Variants in PPM1L observed in about 807,000 individuals in gnomAD.
PPM1L encodes the protein protein phosphatase 1L.
Under a neutral mutation model 31.4 loss-of-function variants are expected in PPM1L, and 13 were observed. That is an observed-to-expected ratio of 0.41 (90% CI 0.27 to 0.66). The LOEUF (loss-of-function observed/expected upper bound fraction) is 0.66, where lower values mean the gene tolerates loss of function less well. Ranked by LOEUF, PPM1L falls within the 30% of genes least tolerant of loss-of-function variation. The pLI is 0.29. For synonymous variants in PPM1L, 184 were observed against 175.4 expected, an observed-to-expected ratio of 1.05 and a Z score of -0.39; for missense variants, 326 against 453.7, an observed-to-expected ratio of 0.72 and a Z score of 2.56.
At chr3:161,013,987 C>G (rs1185027590) in intron 2 of PPM1L, among the ~76,000 whole-genome samples, 2 of 152,162 alleles carry the variant, frequency 1.3e-5, no homozygotes, top group Non-Finnish European at 2.9e-5. Flanking sequence ...ATTTGCCAGT[C>G]TGTGTCTTTT....
rs1287109043 is a variant in PPM1L, at chr3:160,763,464, G to C, written c.399+6757G>C. ...TAAATAATTCACAACTAAGGTACTTGAACCATTATGGATAACACATTGCTT... is the reference window on the plus strand; with the variant it reads ...TAAATAATTCACAACTAAGGTACTTCAACCATTATGGATAACACATTGCTT... On this transcript the variant is annotated intron_variant, in intron 1 of 3. Transcript: ENST00000498165. Among the ~76,000 whole-genome samples, 3 of 152,172 alleles carry C rather than the reference G, an allele frequency of 2.0e-5. No individual in the cohort carries two copies. The East Asian group carries it at 5.8e-4, about 29-fold the overall frequency.
At chr3:160,962,033 A>T in intron 2 of PPM1L, 123 bp downstream of exon 2, 1 of 606,756 alleles carries the variant, frequency 1.6e-6, no homozygotes, top group Non-Finnish European at 2.6e-6. Context: ...ATGGACTAAT[A>T]GTAAGTTTCT....
intron 1 of PPM1L, among the ~76,000 whole-genome samples, chr3:160,837,532 A>T (rs1255116971): frequency 1.3e-5 from 2 of 151,888 alleles, no homozygotes; most frequent in African/African-American, 4.8e-5. Flanking sequence ...CTTTTTTATG[A>T]CTCTTGCTTT....
At chr3:160,835,750 G>A (rs1039243594) in intron 1 of PPM1L, among the ~76,000 whole-genome samples, 1 of 152,226 alleles carries the variant, frequency 6.6e-6, no homozygotes, top group East Asian at 1.9e-4. Flanking sequence ...ATAGAAACTA[G>A]CTTAGCAGCA....
chr3:161,027,355 C>T (rs1718430344), intron 2 of PPM1L, among the ~76,000 whole-genome samples: 1 of 152,080 alleles, frequency 6.6e-6, no homozygotes, highest in Non-Finnish European at 1.5e-5. Context: ...TTTCACACTG[C>T]TGATAAAGAC....
chr3:160,826,891 G>A (rs1297129918), intron 1 of PPM1L, among the ~76,000 whole-genome samples: 1 of 152,092 alleles, frequency 6.6e-6, no homozygotes, highest in East Asian at 1.9e-4. Context: ...GAGGCTGTAG[G>A]TCTGCAGGTA....
At chr3:161,025,703 C>T in intron 2 of PPM1L, among the ~76,000 whole-genome samples, 1 of 152,148 alleles carries the variant, frequency 6.6e-6, no homozygotes, top group Non-Finnish European at 1.5e-5. Flanking sequence ...ATTTCCCAGC[C>T]TCCAGAACTG....
At chr3:161,035,170 T>C (rs1264556856) in intron 2 of PPM1L, among the ~76,000 whole-genome samples, 1 of 149,640 alleles carries the variant, frequency 6.7e-6, no homozygotes, top group Non-Finnish European at 1.5e-5. Context: ...GTAACAAACC[T>C]ACACATTCTC....
At chr3:161,038,830 A>C (rs917193657) in intron 2 of PPM1L, among the ~76,000 whole-genome samples, 1 of 152,182 alleles carries the variant, frequency 6.6e-6, no homozygotes, top group Non-Finnish European at 1.5e-5. Flanking sequence ...ACCGGGCTGC[A>C]TTCCCAGGCA....
At chr3:160,920,586 T>TTCTCTCTCTCTCTC (rs3063236) in intron 1 of PPM1L, among the ~76,000 whole-genome samples, 26 of 120,368 alleles carry the variant, frequency 2.2e-4, no homozygotes, top group South Asian at 5.5e-4. Flanking sequence ...TGCATTTAGT[T>TTCTCTCTCTCTCTC]TCTCTCTCTC....
chr3:160,822,870 A>G (rs1298041236), intron 1 of PPM1L, among the ~76,000 whole-genome samples: 3 of 152,136 alleles, frequency 2.0e-5, no homozygotes. Flanking sequence ...GAAATTAAGA[A>G]AAGTTGAATA....
At chr3:161,040,305 A>G (rs1221654634) in intron 2 of PPM1L, among the ~76,000 whole-genome samples, 1 of 152,142 alleles carries the variant, frequency 6.6e-6, no homozygotes, top group Non-Finnish European at 1.5e-5. Context: ...GGTCTCAGAG[A>G]TTTAATTCTT....
chr3:160,916,179 C>A (rs561080654), intron 1 of PPM1L, among the ~76,000 whole-genome samples: 1 of 152,164 alleles, frequency 6.6e-6, no homozygotes, highest in African/African-American at 2.4e-5. Context: ...GGGCTAATAT[C>A]CAGAATCTAC....
At chr3:160,805,015 C>G (rs966016267) in intron 1 of PPM1L, among the ~76,000 whole-genome samples, 1 of 152,182 alleles carries the variant, frequency 6.6e-6, no homozygotes, top group African/African-American at 2.4e-5. Context: ...CTCCTGGCAT[C>G]TGGGTTCTCC....
chr3:160,994,911 A>C (rs1259442039), intron 2 of PPM1L, among the ~76,000 whole-genome samples: 1 of 152,208 alleles, frequency 6.6e-6, no homozygotes, highest in Non-Finnish European at 1.5e-5. Context: ...ACCCTTTCCA[A>C]GATCTGCAAG....
intron 1 of PPM1L, among the ~76,000 whole-genome samples, chr3:160,892,313 G>T (rs564327268): frequency 6.6e-6 from 1 of 152,052 alleles, no homozygotes; most frequent in African/African-American, 2.4e-5. Context: ...ATCACATGGC[G>T]AGAGCAGGAG....
Position 160,974,131 on chromosome 3 carries a change from T to C in PPM1L, c.574+12221T>C, listed in dbSNP as rs975066649. On this transcript the variant is annotated intron_variant, in intron 2 of 3. Transcript: ENST00000498165. ...GTGAGAATATGCGGTGTTTGGTTTT[T>C]TGTTCTTGCGATAGTTTACTGAGAA... 1.3e-3 allele frequency among the ~76,000 whole-genome samples: 196 copies of C among 149,942 alleles called. 1 individual carries two copies. The highest frequency in any genetic ancestry group is 4.8e-3 in the African/African-American group (195 of 40,812).
intron 1 of PPM1L, among the ~76,000 whole-genome samples, chr3:160,784,223 C>T (rs1012006121): frequency 3.3e-5 from 5 of 152,096 alleles, no homozygotes; most frequent in African/African-American, 9.7e-5. Flanking sequence ...TATATTTTCA[C>T]TGTTTCACTA....
At chr3:160,944,991 A>ATATATATAACTATATATAACATATATAT (rs1559897544) in intron 1 of PPM1L, among the ~76,000 whole-genome samples, 3 of 23,560 alleles carry the variant, frequency 1.3e-4, no homozygotes, top group East Asian at 5.2e-4. Context: ...TATATATAAC[A>ATATATATAACTATATATAACATATATAT]TATATATAAC....
Sources: gnomAD v4.1 joint callset for allele counts (sites outside exome capture counted in the v4.1 genomes callset) on GRCh38, gnomAD v4.1.1 for gene constraint, MANE v1.5 for transcripts, NCBI Gene and HGNC (gene_info 2026-07-23, HGNC 2026-07-21) for gene names.